Variants in PDE11A observed in about 807,000 individuals in gnomAD.
PDE11A encodes dual 3',5'-cyclic-AMP and -GMP phosphodiesterase 11A.
PDE11A carries 100 observed loss-of-function variants against 100.5 expected under a neutral mutation model. The observed-to-expected ratio is 1.00, with a 90% CI of 0.85 to 1.18. The LOEUF is 1.18. Ranked by LOEUF, PDE11A falls within the 50% of genes most tolerant of loss-of-function variation. The pLI is 0.00. For missense variants in PDE11A, 1,141 were observed against 1,152.6 expected, an observed-to-expected ratio of 0.99 and a Z score of 0.15; for synonymous variants, 381 against 420.8, an observed-to-expected ratio of 0.91 and a Z score of 1.16.
chr2:177,829,736 G>A (rs535042501), intron 6 of PDE11A, among the ~76,000 whole-genome samples: 2 of 152,050 alleles, frequency 1.3e-5, no homozygotes, highest in African/African-American at 4.8e-5. Flanking sequence ...ACAGGCATGA[G>A]CCACTGTGCC....
intron 16 of PDE11A, among the ~76,000 whole-genome samples, chr2:177,680,494 T>G (rs1056531743): frequency 2.0e-5 from 3 of 152,148 alleles, no homozygotes; most frequent in African/African-American, 7.2e-5. Context: ...GCTATGTAAC[T>G]CTGATTTCTA....
At chr2:177,639,738 G>A (rs1314535666) in intron 19 of PDE11A, among the ~76,000 whole-genome samples, 1 of 152,148 alleles carries the variant, frequency 6.6e-6, no homozygotes, top group Non-Finnish European at 1.5e-5. Flanking sequence ...CTCAGTTTGT[G>A]CTTATTAGTT....
chr2:177,695,435 T>C (rs1424953898), intron 15 of PDE11A, among the ~76,000 whole-genome samples: 2 of 152,202 alleles, frequency 1.3e-5, no homozygotes, highest in African/African-American at 4.8e-5. Context: ...TCTAAAAAAG[T>C]ATTTATTGTT....
intron 10 of PDE11A, among the ~76,000 whole-genome samples, chr2:177,762,790 G>A (rs2082187174): frequency 6.6e-6 from 1 of 152,178 alleles, no homozygotes; most frequent in Non-Finnish European, 1.5e-5. Flanking sequence ...CAAATAGAAA[G>A]AAGTGACAAA....
Position 177,896,183 on chromosome 2 carries a change from C to T in PDE11A, c.1302+1875G>A, listed in dbSNP as rs143120616. ...GCGCTGTTATCGTTTGTACCATCTA[C>T]TCTATCTAGATGGTGTATTTTGATC... On this transcript the variant is annotated intron_variant, in intron 4 of 19. Transcript: ENST00000286063. Among the ~76,000 whole-genome samples the T allele has an allele frequency of 2.5e-3, 377 of 152,248 alleles. 1 individual carries two copies. The highest frequency in any genetic ancestry group is 8.8e-3 in the African/African-American group (367 of 41,554).
At chr2:177,820,620 C>T (rs1273082108) in intron 6 of PDE11A, among the ~76,000 whole-genome samples, 1 of 151,962 alleles carries the variant, frequency 6.6e-6, no homozygotes, top group Non-Finnish European at 1.5e-5. Flanking sequence ...ATTCCAGCAA[C>T]TGTTTCTCCT....
At chr2:177,715,214 T>A (rs543948547) in intron 12 of PDE11A, among the ~76,000 whole-genome samples, 1 of 152,310 alleles carries the variant, frequency 6.6e-6, no homozygotes, top group African/African-American at 2.4e-5. Context: ...CACTCAGAAT[T>A]TTGAAGGCCT....
At chr2:178,059,488 G>A (rs1013308185) in intron 1 of PDE11A, among the ~76,000 whole-genome samples, 2 of 152,214 alleles carry the variant, frequency 1.3e-5, no homozygotes, top group African/African-American at 4.8e-5. Flanking sequence ...TGCAGGGGCT[G>A]GCCTAGGGAA....
Position 178,072,541 on chromosome 2 carries a change from A to C in PDE11A, c.-104T>G. On this transcript the variant is annotated 5_prime_UTR_variant, in exon 1 of 20. Transcript: ENST00000286063. The stretch of plus-strand genomic sequence containing the variant: ...CATGTTCACCCCCACCAGTATTCCC[A>C]GTTCAGCGCCACCTCCCCTGGAGAT... The C allele has an allele frequency of 1.3e-6, 2 of 1,557,050 alleles. No individual in the cohort carries two copies. Among genetic ancestry groups the C allele is most frequent in the Non-Finnish European group, 1.7e-6 (2 of 1,158,414 alleles).
chr2:177,856,586 A>G (rs1009338025), intron 5 of PDE11A, among the ~76,000 whole-genome samples: 12 of 152,086 alleles, frequency 7.9e-5, no homozygotes, highest in African/African-American at 2.9e-4. Context: ...AAATAATATC[A>G]ATAAAGAGAA....
At chr2:177,951,460 T>G (rs1338552489) in intron 2 of PDE11A, among the ~76,000 whole-genome samples, 1 of 152,252 alleles carries the variant, frequency 6.6e-6, no homozygotes, top group African/African-American at 2.4e-5. Context: ...GTGTTGTTAT[T>G]GTCAAGACAG....
Position 178,096,169 on chromosome 2 carries a change from C to CTTTTTTTTTTTTTTTTTTTTTTTTTTTT in PDE11A, c.162+8132_162+8133insAAAAAAAAAAAAAAAAAAAAAAAAAAAA, listed in dbSNP as rs71010857. Among the ~76,000 whole-genome samples the CTTTTTTTTTTTTTTTTTTTTTTTTTTTT allele has an allele frequency of 8.3e-5, 10 of 120,108 alleles. 1 individual carries two copies. Among genetic ancestry groups the CTTTTTTTTTTTTTTTTTTTTTTTTTTTT allele is most frequent in the South Asian group, 2.8e-4 (1 of 3,606 alleles). The allele number at this position is 120,108 out of a possible 152,430, so 78.8% of individuals were successfully genotyped here. On this transcript the variant is annotated intron_variant, in intron 2 of 20. Coordinates refer to the PDE11A transcript ENST00000358450. ...AGAAAACAGGTTTTTCTTTTCTTTT[C>CTTTTTTTTTTTTTTTTTTTTTTTTTTTT]TTTTTTTTTTTTGAGATGGAGTCTC...
At chr2:177,683,102 CTG>C (rs1412101538) in intron 15 of PDE11A, among the ~76,000 whole-genome samples, 1 of 152,168 alleles carries the variant, frequency 6.6e-6, no homozygotes, top group African/African-American at 2.4e-5. Context: ...AACTGACCAA[CTG>C]TGTGGATTTC....
chr2:177,792,638 C>G (rs2082648781), intron 9 of PDE11A, among the ~76,000 whole-genome samples: 1 of 152,140 alleles, frequency 6.6e-6, no homozygotes. Flanking sequence ...GGGCCACTGT[C>G]AAACTCACTA....
In PDE11A at chr2:177,860,657, T is replaced by C. The variant is rs2083929836; in HGVS notation, c.1367+15202A>G. Among the ~76,000 whole-genome samples, 4 of 151,604 alleles carry C rather than the reference T, an allele frequency of 2.6e-5. No homozygotes were observed. The South Asian group carries it at 6.2e-4, about 24-fold the overall frequency. On this transcript the variant is annotated intron_variant, in intron 5 of 19. Transcript: ENST00000286063. ...AACCAATTATATCACAAGAAAGCTATAGACCCTTATAAATATAGATGCAAA... is the reference window on the plus strand; with the variant it reads ...AACCAATTATATCACAAGAAAGCTACAGACCCTTATAAATATAGATGCAAA...
intron 2 of PDE11A, among the ~76,000 whole-genome samples, chr2:177,965,028 C>T (rs996125009): frequency 6.6e-5 from 10 of 152,144 alleles, no homozygotes; most frequent in African/African-American, 2.2e-4. Context: ...ACCTCACAAG[C>T]ATCTGTTATT....
intron 15 of PDE11A, among the ~76,000 whole-genome samples, chr2:177,693,505 C>T (rs1055700728): frequency 3.3e-5 from 5 of 152,182 alleles, no homozygotes; most frequent in African/African-American, 4.8e-5. Context: ...ACTGTCCCAG[C>T]CCCTCACTCT....
rs376490722 is a variant in PDE11A at position 177,649,105 on chromosome 2, A to G, written c.2646+14761T>C. Among the ~76,000 whole-genome samples, 10 of 152,154 alleles carry G rather than the reference A, an allele frequency of 6.6e-5. No homozygotes were observed. The East Asian group carries it at 9.6e-4, about 15-fold the overall frequency. ...TATAGCTATCGTATTAGCAAAATTGAAATTTGGTAATACATTGTGTTGGTA... is the reference window on the plus strand; with the variant it reads ...TATAGCTATCGTATTAGCAAAATTGGAATTTGGTAATACATTGTGTTGGTA... On this transcript the variant is annotated intron_variant, in intron 19 of 19. Coordinates refer to ENST00000286063, the MANE Select transcript of PDE11A (RefSeq NM_016953.4).
At position 177,631,584 on chromosome 2, in the gene PDE11A, TAC is replaced by T. The variant is rs557206646; in HGVS notation, c.2647-2024_2647-2023del. On this transcript the variant is annotated intron_variant, in intron 19 of 19. Coordinates refer to ENST00000286063, the MANE Select transcript of PDE11A (RefSeq NM_016953.4). ...ATATATATATACATGTATATATATA[TAC>T]ACACACATATATATGTGTGTATATA... Among the ~76,000 whole-genome samples, 180 of 31,044 alleles carry T rather than the reference TAC, an allele frequency of 5.8e-3. 5 individuals are homozygous for T. The highest frequency in any genetic ancestry group is 0.011 in the Non-Finnish European group (160 of 14,288). 20.4% of individuals were successfully genotyped at this position (31,044 alleles called of 152,430 possible).
Sources: allele counts gnomAD v4.1 joint callset (sites outside exome capture counted in the v4.1 genomes callset), GRCh38; gene constraint gnomAD v4.1.1; transcripts MANE v1.5; gene names NCBI Gene and HGNC (gene_info 2026-07-23, HGNC 2026-07-21).